Variants in ZNF69 observed in about 807,000 individuals in gnomAD.
ZNF69 encodes zinc finger protein 69, also known as ZNF3.
In ZNF69, 47 loss-of-function variants were observed where a neutral mutation model predicts 50.9. The observed-to-expected ratio is 0.92, with a 90% CI of 0.73 to 1.18. ZNF69 has a LOEUF of 1.18. ZNF69 is among the 50% of genes most tolerant of loss of function. The pLI, the probability that ZNF69 is intolerant of heterozygous loss-of-function variation, is 0.00. For missense variants in ZNF69, 717 were observed against 675.1 expected, an observed-to-expected ratio of 1.06 and a Z score of -0.69; for synonymous variants, 216 against 223.1, an observed-to-expected ratio of 0.97 and a Z score of 0.29.
chr19:11,952,179 CAA>C, the ZNF69 span, among the ~76,000 whole-genome samples: 11 of 150,046 alleles, frequency 7.3e-5, no homozygotes, highest in African/African-American at 2.7e-4. Context: ...AACTCCATCT[CAA>C]AAAAAAAGAC....
chr19:11,894,560 T>A (rs188631026), intron 1 of ZNF69, among the ~76,000 whole-genome samples: 2 of 152,236 alleles, frequency 1.3e-5, no homozygotes, highest in African/African-American at 4.8e-5. Flanking sequence ...TAGAATGGGG[T>A]GACCTAATAT....
intron 1 of ZNF69, 138 bp downstream of exon 1, chr19:11,888,124 T>A (rs868727966): frequency 1.4e-6 from 1 of 689,718 alleles, no homozygotes; most frequent in African/African-American, 1.8e-5. Flanking sequence ...CGCTCGGCCC[T>A]CGGTCCCCTC....
the ZNF69 span, among the ~76,000 whole-genome samples, chr19:11,933,265 A>AG: frequency 2.7e-5 from 4 of 147,946 alleles, 1 homozygote; most frequent in African/African-American, 7.9e-5. Flanking sequence ...AAAAAAAAAA[A>AG]TGTTTTAAAC....
At chr19:11,959,446 G>A in the ZNF69 span, among the ~76,000 whole-genome samples, 1 of 152,062 alleles carries the variant, frequency 6.6e-6, no homozygotes, top group Non-Finnish European at 1.5e-5. Flanking sequence ...GATTCTTTTT[G>A]TTATTCTTTG....
downstream of ZNF69, among the ~76,000 whole-genome samples, chr19:11,918,630 T>A (rs889207726): frequency 6.6e-6 from 1 of 151,964 alleles, no homozygotes; most frequent in Non-Finnish European, 1.5e-5. Context: ...TTTCAAAAAT[T>A]TTTTGTAGAG....
chr19:11,892,135 A>ATTTTT (rs4071659), intron 1 of ZNF69, among the ~76,000 whole-genome samples: 359 of 113,866 alleles, frequency 3.2e-3, no homozygotes, highest in Middle Eastern at 4.7e-3. Context: ...CTCCTGGCTG[A>ATTTTT]TTTTTTTTTT....
chr19:11,903,471 C>G (rs189238046), intron 1 of ZNF69, 102 bp from the exon 2 acceptor site: 64 of 1,547,834 alleles, frequency 4.1e-5, no homozygotes, highest in Non-Finnish European at 5.6e-5. Flanking sequence ...ATCTGATGAC[C>G]CTTGGAGTCC....
At chr19:11,947,496 TC>T in the ZNF69 span, 1 of 1,611,608 alleles carries the variant, frequency 6.2e-7, no homozygotes. Context: ...GGACTATTTT[TC>T]TGTGTCTGTA....
intron 1 of ZNF69, among the ~76,000 whole-genome samples, chr19:11,900,260 A>G (rs1972214846): frequency 6.6e-6 from 1 of 150,814 alleles, no homozygotes; most frequent in African/African-American, 2.4e-5. Flanking sequence ...GCCTGTTTTC[A>G]TTTGCTCTTT....
chr19:11,929,894 C>G, the ZNF69 span, among the ~76,000 whole-genome samples: 1 of 148,394 alleles, frequency 6.7e-6, no homozygotes, highest in Non-Finnish European at 1.5e-5. Context: ...TTCCTAGACA[C>G]AGACACCTTA....
the ZNF69 span, among the ~76,000 whole-genome samples, chr19:11,964,160 C>G: frequency 6.6e-6 from 1 of 152,172 alleles, no homozygotes; most frequent in Non-Finnish European, 1.5e-5. Context: ...CCGGGCAGCC[C>G]GCCCTCCCCT....
chr19:11,947,137 T>C, the ZNF69 span: 1 of 1,602,450 alleles, frequency 6.2e-7, no homozygotes, highest in Non-Finnish European at 8.5e-7. Context: ...CCTCCAGTGC[T>C]GTCACTCTCA....
Position 11,906,305 on chromosome 19 carries a change from C to A in ZNF69, c.*207C>A. The A allele has an allele frequency of 2.2e-6, 3 of 1,383,824 alleles. No individual in the cohort carries two copies. The highest frequency in any genetic ancestry group is 9.4e-7 in the Non-Finnish European group (1 of 1,067,632). The allele number at this position is 1,383,824 out of a possible 1,614,324, so 85.7% of individuals were successfully genotyped here. ...CTTCTGCAGACTTAAATGTCCCTGTCTGACAGCTTTGAAGAGAGTAGCAGT... is the reference window on the plus strand; with the variant it reads ...CTTCTGCAGACTTAAATGTCCCTGTATGACAGCTTTGAAGAGAGTAGCAGT... On this transcript the variant is annotated 3_prime_UTR_variant, in exon 4 of 4. Transcript: ENST00000429654.
chr19:11,961,418 A>G, the ZNF69 span, among the ~76,000 whole-genome samples: 3 of 152,200 alleles, frequency 2.0e-5, no homozygotes, highest in Admixed American at 6.5e-5. Context: ...GTGTTTTGTT[A>G]TACTAGCCTG....
In ZNF69 at chr19:11,904,761, G is replaced by C; in HGVS notation, c.364G>C (p.Glu122Gln). Residue 122 changes from glutamate (E) to glutamine (Q), a missense_variant, in exon 4 of 4, where the codon GAA (glutamate) becomes CAA (glutamine). Glu to Gln is a conservative substitution (Grantham distance 29). Transcript: ENST00000429654. ...LNFQEKKASP[E>Q]IKSCDSFVCG... ...CTTCCAGGAGAAGAAAGCTTCTCCT[G>C]AAATAAAATCATGTGACAGCTTTGT... The C allele has an allele frequency of 6.2e-7, 1 of 1,613,922 alleles. No homozygotes were observed. The highest frequency in any genetic ancestry group is 1.1e-5 in the South Asian group (1 of 91,074).
downstream of ZNF69, among the ~76,000 whole-genome samples, chr19:11,910,884 C>T (rs1004848516): frequency 2.6e-5 from 4 of 152,130 alleles, no homozygotes; most frequent in Non-Finnish European, 1.5e-5. Context: ...AGTGAACAGG[C>T]AACCTACAGA....
At chr19:11,930,045 T>C in the ZNF69 span, among the ~76,000 whole-genome samples, 1 of 148,128 alleles carries the variant, frequency 6.8e-6, no homozygotes, top group Admixed American at 6.6e-5. Context: ...GCCATGTCTC[T>C]TGGAGGGTCT....
At position 11,887,988 on chromosome 19, in the gene ZNF69, T is replaced by A. The variant is rs1025378311; in HGVS notation, c.63+2T>A. 4 of 1,611,200 alleles carry A rather than the reference T, an allele frequency of 2.5e-6. No individual in the cohort carries two copies. The highest frequency in any genetic ancestry group is 1.3e-5 in the African/African-American group (1 of 74,882). On this transcript the variant is annotated splice_donor_variant, in intron 1 of 3. Transcript: ENST00000429654. LOFTEE classifies it high-confidence loss of function. The stretch of plus-strand genomic sequence containing the variant: ...GGGACATCTGAAAGCCAGGAAATGG[T>A]GCGTGTCTGGGGCCGGGTGTCGTGA...
At chr19:11,930,028 C>G in the ZNF69 span, among the ~76,000 whole-genome samples, 2 of 148,066 alleles carry the variant, frequency 1.4e-5, no homozygotes, top group Non-Finnish European at 2.9e-5. Flanking sequence ...CCAAGACCCC[C>G]ACAATTGCCA....
Sources: allele counts gnomAD v4.1 joint callset (sites outside exome capture counted in the v4.1 genomes callset), GRCh38; gene constraint gnomAD v4.1.1; transcripts MANE v1.5; gene names NCBI Gene and HGNC (gene_info 2026-07-23, HGNC 2026-07-21).